The following TOX variants were observed in gnomAD, a reference collection of about 807,000 sequenced individuals.
The protein encoded by TOX is thymocyte selection associated high mobility group box.
TOX carries 11 observed loss-of-function variants against 53.7 expected under a neutral mutation model. That is an observed-to-expected ratio of 0.20 (90% CI 0.13 to 0.34). TOX has a LOEUF of 0.34. Among genes scored for constraint, TOX ranks in the 10% least tolerant of loss-of-function variants. TOX has a pLI of 1.00. For missense variants in TOX, 570 were observed against 664.6 expected, an observed-to-expected ratio of 0.86 and a Z score of 1.56; for synonymous variants, 225 against 245.3, an observed-to-expected ratio of 0.92 and a Z score of 0.77.
intron 1 of TOX, among the ~76,000 whole-genome samples, chr8:59,075,548 A>T (rs1804277915): frequency 6.6e-6 from 1 of 152,132 alleles, no homozygotes; most frequent in Non-Finnish European, 1.5e-5. Flanking sequence ...GCCATATAAA[A>T]CTCAGCTTGA....
At position 58,808,164 on chromosome 8, in the gene TOX, G is replaced by A. The variant is rs1810019531; in HGVS notation, c.1498C>T (p.Pro500Ser). The change falls in exon 8 of 9, where the codon CCT (proline) becomes TCT (serine). Residue 500 changes from proline to serine, a missense_variant. Physicochemically the swap from Pro to Ser is moderately conservative, Grantham distance 74. Transcript: ENST00000361421. ...TTCCAGTCCACCGGTTGTGGGGGAG[G>A]ATTTCTGCACCCCGAACGCACATAC... ...MEYVRSGCRN[P>S]PPQPVDWNND... 1.9e-6 allele frequency: 3 copies of A among 1,614,118 alleles called. No homozygotes were observed. The highest frequency in any genetic ancestry group is 2.5e-6 in the Non-Finnish European group (3 of 1,179,988).
At chr8:59,007,759 T>G (rs1813818939) in intron 1 of TOX, among the ~76,000 whole-genome samples, 1 of 152,250 alleles carries the variant, frequency 6.6e-6, no homozygotes, top group African/African-American at 2.4e-5. Context: ...AATTATATCA[T>G]ATGCTGGTGT....
intron 1 of TOX, among the ~76,000 whole-genome samples, chr8:59,105,844 T>C (rs1006544525): frequency 6.6e-6 from 1 of 152,188 alleles, no homozygotes; most frequent in Non-Finnish European, 1.5e-5. Context: ...ATGGCATAAT[T>C]GTTTTTATTT....
intron 4 of TOX, among the ~76,000 whole-genome samples, chr8:58,847,021 C>T (rs1810729729): frequency 6.6e-6 from 1 of 152,086 alleles, no homozygotes; most frequent in African/African-American, 2.4e-5. Flanking sequence ...TGAACATACT[C>T]TATGTGGGTG....
At chr8:58,994,294 A>C (rs1197274566) in intron 1 of TOX, among the ~76,000 whole-genome samples, 1 of 152,208 alleles carries the variant, frequency 6.6e-6, no homozygotes, top group Non-Finnish European at 1.5e-5. Context: ...TCAAACTTGC[A>C]TAATGAGAAT....
At chr8:58,908,111 T>C (rs1023535544) in intron 3 of TOX, among the ~76,000 whole-genome samples, 1 of 152,124 alleles carries the variant, frequency 6.6e-6, no homozygotes, top group African/African-American at 2.4e-5. Flanking sequence ...GCCCCCGCCA[T>C]AGGCCCCCAG....
intron 3 of TOX, among the ~76,000 whole-genome samples, chr8:58,868,149 C>T (rs7819721): frequency 0.36 from 53,981 of 151,960 alleles, 9,729 homozygotes; most frequent in African/African-American, 0.41. Context: ...TTCCTCTGCA[C>T]ATGCTCCCTT....
chr8:58,835,048 T>C (rs766688315), intron 5 of TOX, among the ~76,000 whole-genome samples: 2 of 152,172 alleles, frequency 1.3e-5, no homozygotes, highest in African/African-American at 2.4e-5. Context: ...GATAAAAAAA[T>C]TTATTTCTCT....
intron 1 of TOX, among the ~76,000 whole-genome samples, chr8:59,023,136 T>C (rs1376701990): frequency 2.0e-5 from 3 of 152,220 alleles, no homozygotes; most frequent in African/African-American, 7.2e-5. Flanking sequence ...CCAATCTCGC[T>C]GAGAAACTGA....
At chr8:59,115,055 C>T (rs1336596180) in intron 1 of TOX, among the ~76,000 whole-genome samples, 1 of 152,048 alleles carries the variant, frequency 6.6e-6, no homozygotes, top group African/African-American at 2.4e-5. Context: ...TTCCAAATGC[C>T]CACTATTCTT....
rs566480848 is a variant in TOX at position 59,113,342 on chromosome 8, AT to A, written c.102+5543del. 5.9e-5 allele frequency among the ~76,000 whole-genome samples: 9 copies of A among 152,226 alleles called. No individual in the cohort carries two copies. In the South Asian group the frequency reaches 1.9e-3, roughly 32 times the overall value. On this transcript the variant is annotated intron_variant, in intron 1 of 8. Coordinates refer to ENST00000361421, the MANE Select transcript of TOX (RefSeq NM_014729.3). The stretch of plus-strand genomic sequence containing the variant: ...TAGCTTAGAAATATCAGTCATAGTT[AT>A]TTTTCCTCTCAGCATCACATGAAGG...
chr8:58,886,698 T>C (rs1166378318), intron 3 of TOX, among the ~76,000 whole-genome samples: 1 of 152,058 alleles, frequency 6.6e-6, no homozygotes, highest in Middle Eastern at 3.2e-3. Context: ...TACCCTATTG[T>C]TTGCAGGTTT....
At chr8:58,914,545 G>T (rs1368722222) in intron 3 of TOX, among the ~76,000 whole-genome samples, 1 of 152,160 alleles carries the variant, frequency 6.6e-6, no homozygotes, top group African/African-American at 2.4e-5. Flanking sequence ...GTCACAGCTA[G>T]GGGGTGGGGG....
At chr8:59,058,648 T>C (rs1464273019) in intron 1 of TOX, among the ~76,000 whole-genome samples, 1 of 152,136 alleles carries the variant, frequency 6.6e-6, no homozygotes, top group Non-Finnish European at 1.5e-5. Context: ...CATCCTTAAA[T>C]ACGTTAGCAG....
At chr8:59,001,166 A>G (rs1420789039) in intron 1 of TOX, among the ~76,000 whole-genome samples, 2 of 152,202 alleles carry the variant, frequency 1.3e-5, no homozygotes, top group African/African-American at 4.8e-5. Context: ...ACTCCCTGCC[A>G]ATGTGGCAGG....
At chr8:58,941,339 G>A (rs1452950906) in intron 2 of TOX, among the ~76,000 whole-genome samples, 1 of 152,106 alleles carries the variant, frequency 6.6e-6, no homozygotes, top group Non-Finnish European at 1.5e-5. Flanking sequence ...AACCATTATA[G>A]TAATCCATTG....
Position 58,922,696 on chromosome 8 carries a change from T to C in TOX, c.411+16606A>G, listed in dbSNP as rs1444986918. Among the ~76,000 whole-genome samples the C allele has an allele frequency of 2.6e-5, 4 of 152,298 alleles. No individual in the cohort carries two copies. The East Asian group carries it at 5.8e-4, about 22-fold the overall frequency. On this transcript the variant is annotated intron_variant, in intron 3 of 8. Coordinates refer to ENST00000361421, the MANE Select transcript of TOX (RefSeq NM_014729.3). ...TCTCACGGTGCTTCTAGTCTAGCAG[T>C]GGGAGGTGGCCAATCAACTACTTGA...
At chr8:59,057,355 A>G (rs1395174472) in intron 1 of TOX, among the ~76,000 whole-genome samples, 1 of 152,196 alleles carries the variant, frequency 6.6e-6, no homozygotes, top group Non-Finnish European at 1.5e-5. Flanking sequence ...TATTATTTGC[A>G]TACAAGCAGA....
chr8:58,841,020 T>C (rs1462664334), intron 4 of TOX, among the ~76,000 whole-genome samples: 2 of 152,206 alleles, frequency 1.3e-5, no homozygotes, highest in African/African-American at 4.8e-5. Context: ...TCCTGATTTG[T>C]TTTGCAGTAA....
Sources: allele counts gnomAD v4.1 joint callset (sites outside exome capture counted in the v4.1 genomes callset), GRCh38; gene constraint gnomAD v4.1.1; transcripts MANE v1.5; gene names NCBI Gene and HGNC (gene_info 2026-07-23, HGNC 2026-07-21).